Variants in REV3L observed in about 807,000 individuals in gnomAD.
REV3L encodes DNA polymerase zeta catalytic subunit.
Under a neutral mutation model 299.4 loss-of-function variants are expected in REV3L, and 69 were observed. The observed-to-expected ratio is 0.23, with a 90% CI of 0.19 to 0.28. REV3L has a LOEUF of 0.28. Ranked by LOEUF, REV3L falls within the 10% of genes least tolerant of loss-of-function variation. The pLI, the probability that REV3L is intolerant of heterozygous loss-of-function variation, is 1.00. For missense variants in REV3L, 3,128 were observed against 3,693.8 expected, an observed-to-expected ratio of 0.85 and a Z score of 3.97; for synonymous variants, 1,238 against 1,271.4, an observed-to-expected ratio of 0.97 and a Z score of 0.56.
rs759728755 is a variant in REV3L, at chr6:111,343,906, C to T, written c.7538+19G>A. On this transcript the variant is annotated intron_variant, in intron 21 of 31. Coordinates refer to ENST00000368802, the MANE Select transcript of REV3L (RefSeq NM_001372078.1). ...AATGATGATTTTATATTACCTTCTT[C>T]AGAGTTATAGAACAGTACCTGTATA... is the stretch of plus-strand genomic sequence containing the variant. 7.1e-7 allele frequency: 1 copy of T among 1,407,886 alleles called. No individual in the cohort carries two copies. The highest frequency in any genetic ancestry group is 2.1e-5 in the Admixed American group (1 of 46,534). 87.2% of individuals were successfully genotyped at this position (1,407,886 alleles called of 1,614,324 possible). A position where few individuals can be genotyped will look rare whatever the true frequency, so the allele number is the denominator to read the frequency against.
chr6:111,482,957 C>T lies in REV3L; in HGVS notation c.-69G>A. 1 of 1,438,010 alleles carries T rather than the reference C, an allele frequency of 7.0e-7. No individual in the cohort carries two copies. The highest frequency in any genetic ancestry group is 1.5e-5 in the South Asian group (1 of 67,408). The allele number at this position is 1,438,010 out of a possible 1,614,324, so 89.1% of individuals were successfully genotyped here. A position where few individuals can be genotyped will look rare whatever the true frequency, so the allele number is the denominator to read the frequency against. Reference sequence around the variant, plus strand: ...AGCGGCAGCAGCAGCGGCGGCGGCTCCCTCCGCAGCGGCGGCGGCGCCCCC... The same window carrying T: ...AGCGGCAGCAGCAGCGGCGGCGGCTTCCTCCGCAGCGGCGGCGGCGCCCCC... On this transcript the variant is annotated 5_prime_UTR_variant, in exon 1 of 32. Coordinates refer to ENST00000368802, the MANE Select transcript of REV3L (RefSeq NM_001372078.1).
chr6:111,380,478 C>T (rs1213653620), intron 10 of REV3L, among the ~76,000 whole-genome samples: 1 of 152,116 alleles, frequency 6.6e-6, no homozygotes, highest in Non-Finnish European at 1.5e-5. Context: ...CCAGGATGGT[C>T]TCGATCTCCT....
chr6:111,424,934 G>T (rs1431437980), intron 1 of REV3L, among the ~76,000 whole-genome samples: 1 of 152,140 alleles, frequency 6.6e-6, no homozygotes, highest in African/African-American at 2.4e-5. Flanking sequence ...GTCCACCGGG[G>T]GCTTGGAAAA....
intron 21 of REV3L, among the ~76,000 whole-genome samples, chr6:111,338,191 A>G (rs1280021364): frequency 6.6e-6 from 1 of 152,094 alleles, no homozygotes; most frequent in Non-Finnish European, 1.5e-5. Context: ...TTTCCTTGAA[A>G]TCTGTAGGTG....
At position 111,381,383 on chromosome 6, in the gene REV3L, C is replaced by T; in HGVS notation, c.1158G>A (p.Met386Ile). The change falls in exon 10 of 32, where the codon ATG becomes ATA. Residue 386 changes from methionine (M) to isoleucine (I), a missense_variant. Around this residue, in one of 9 missense-constraint regions of REV3L, gnomAD observed 2,409 missense variants for 2,611.8 expected, o/e 0.92. Transcript: ENST00000368802. ...LINEEAILNL[M>I]ENSQTFQPLT... ...AAGGCTGAAAAGTCTGACTATTTTCCATAAGGTTCAAAATTGCTTCTTCAT... is the reference window on the plus strand; with the variant it reads ...AAGGCTGAAAAGTCTGACTATTTTCTATAAGGTTCAAAATTGCTTCTTCAT... 1 of 1,613,562 alleles carries T rather than the reference C, an allele frequency of 6.2e-7. No individual in the cohort carries two copies. Among genetic ancestry groups the T allele is most frequent in the Non-Finnish European group, 8.5e-7 (1 of 1,179,770 alleles).
intron 1 of REV3L, among the ~76,000 whole-genome samples, chr6:111,447,565 T>G (rs1789003629): frequency 6.6e-6 from 1 of 152,160 alleles, no homozygotes; most frequent in Non-Finnish European, 1.5e-5. Flanking sequence ...ACGTCAGGGG[T>G]TGGCATAAGG....
intron 1 of REV3L, among the ~76,000 whole-genome samples, chr6:111,420,697 C>T (rs375909928): frequency 1.3e-4 from 20 of 152,308 alleles, no homozygotes; most frequent in African/African-American, 3.9e-4. Flanking sequence ...TTTTAAAAAG[C>T]GCCACCAAAA....
intron 29 of REV3L, 116 bp downstream of exon 29, chr6:111,310,953 G>A (rs1772906232): frequency 1.3e-5 from 9 of 672,334 alleles, no homozygotes; most frequent in Non-Finnish European, 2.1e-5. Flanking sequence ...GGCTTCATGT[G>A]CGCAGGTAAA....
intron 16 of REV3L, among the ~76,000 whole-genome samples, chr6:111,362,769 A>G (rs554238158): frequency 5.1e-4 from 78 of 152,340 alleles, no homozygotes; most frequent in African/African-American, 1.8e-3. Context: ...CTGTAATTTC[A>G]TACAACTTAA....
In REV3L at chr6:111,439,913, T is replaced by C. The variant is rs1788048516; in HGVS notation, c.140-23441A>G. Among the ~76,000 whole-genome samples the C allele has an allele frequency of 2.6e-5, 4 of 152,218 alleles. No homozygotes were observed. The South Asian group carries it at 8.3e-4, about 32-fold the overall frequency. On this transcript the variant is annotated intron_variant, in intron 1 of 31. Coordinates refer to ENST00000368802, the MANE Select transcript of REV3L (RefSeq NM_001372078.1). ...TTCAAAAGTTGAAGAAATTGGGCTA[T>C]ACAATTTTGCTTCAGCCATCATATT...
chr6:111,309,899 G>A lies in REV3L; in HGVS notation c.8996C>T (p.Ser2999Leu). The A allele has an allele frequency of 2.5e-6, 4 of 1,614,090 alleles. No homozygotes were observed. The highest frequency in any genetic ancestry group is 3.4e-6 in the Non-Finnish European group (4 of 1,179,980). Residue 2999 changes from serine to leucine, a missense_variant, in exon 30 of 32, where the codon TCA becomes TTA. By Grantham distance (145) the Ser-to-Leu change is moderately radical (BLOSUM62 -2). This residue lies in a region of REV3L where 294 missense variants were observed against 377.0 expected (regional missense o/e 0.78). Transcript: ENST00000368802. ...GCTGAAGACATCAATACCAATAAGTGAGAAGATTCTTGCCAAGGGTGGAAG... is the reference window on the plus strand; with the variant it reads ...GCTGAAGACATCAATACCAATAAGTAAGAAGATTCTTGCCAAGGGTGGAAG... ...QILPPLARIF[S>L]LIGIDVFSWY...
intron 1 of REV3L, among the ~76,000 whole-genome samples, chr6:111,481,117 T>TG (rs1340893362): frequency 6.6e-6 from 1 of 152,184 alleles, no homozygotes; most frequent in Non-Finnish European, 1.5e-5. Context: ...AAATTATGTG[T>TG]GGAAAAGTAA....
intron 1 of REV3L, among the ~76,000 whole-genome samples, chr6:111,475,961 T>C (rs1051429276): frequency 6.6e-6 from 1 of 152,248 alleles, no homozygotes; most frequent in African/African-American, 2.4e-5. Context: ...TATTAAACAA[T>C]TCTTCTTTTC....
intron 1 of REV3L, among the ~76,000 whole-genome samples, chr6:111,426,183 GTAGT>G (rs1162937826): frequency 3.3e-5 from 5 of 152,150 alleles, no homozygotes; most frequent in African/African-American, 1.2e-4. Flanking sequence ...TACATTAGTA[GTAGT>G]TAGTGTCAGA....
At chr6:111,469,665 C>T (rs565408618) in intron 1 of REV3L, among the ~76,000 whole-genome samples, 2 of 152,282 alleles carry the variant, frequency 1.3e-5, no homozygotes, top group Admixed American at 1.3e-4. Context: ...CACGCCTAGC[C>T]TGCGGGAGAC....
intron 1 of REV3L, chr6:111,431,388 A>G (rs978209353): frequency 5.2e-6 from 5 of 965,036 alleles, no homozygotes; most frequent in Non-Finnish European, 8.5e-6. Flanking sequence ...CATAGCGCTG[A>G]AAGCAGTAAC....
intron 1 of REV3L, among the ~76,000 whole-genome samples, chr6:111,455,246 A>T (rs1790037230): frequency 6.6e-6 from 1 of 152,176 alleles, no homozygotes; most frequent in South Asian, 2.1e-4. Context: ...ACCAGTAGAA[A>T]AGGCCATTCC....
At chr6:111,426,861 A>G (rs1786243537) in intron 1 of REV3L, among the ~76,000 whole-genome samples, 1 of 152,228 alleles carries the variant, frequency 6.6e-6, no homozygotes, top group Non-Finnish European at 1.5e-5. Context: ...TTCAAGCACA[A>G]ATCTCCAAGA....
chr6:111,386,438 CAG>C (rs1243303192), intron 9 of REV3L, among the ~76,000 whole-genome samples: 2 of 152,018 alleles, frequency 1.3e-5, no homozygotes, highest in African/African-American at 4.8e-5. Flanking sequence ...TAAAAAAAGA[CAG>C]ATAATAACAA....
Sources: allele counts gnomAD v4.1 joint callset (sites outside exome capture counted in the v4.1 genomes callset), GRCh38; gene constraint gnomAD v4.1.1; regional missense constraint gnomAD v4.1.1; transcripts MANE v1.5; gene names NCBI Gene and HGNC (gene_info 2026-07-23, HGNC 2026-07-21).